KCNT2: variants seen among roughly 807,000 people sequenced by gnomAD.
KCNT2 encodes the protein potassium sodium-activated channel subfamily T member 2.
A neutral mutation model predicts 153.8 loss-of-function variants in KCNT2; 67 were observed. That is an observed-to-expected ratio of 0.44 (90% CI 0.36 to 0.53). KCNT2 has a LOEUF of 0.53. Among genes scored for constraint, KCNT2 ranks in the 20% least tolerant of loss-of-function variants. KCNT2 has a pLI of 0.00. For synonymous variants in KCNT2, 500 were observed against 458.8 expected (o/e 1.09, Z -1.15); for missense variants, 975 against 1,354.8 (o/e 0.72, Z 4.40).
intron 25 of KCNT2, among the ~76,000 whole-genome samples, chr1:196,262,014 C>CT (rs1299018396): frequency 6.6e-6 from 1 of 151,720 alleles, no homozygotes; most frequent in Non-Finnish European, 1.5e-5. Context: ...ATATTACTTC[C>CT]TAAATATTTA....
At chr1:196,236,117 T>C (rs776072435) in intron 26 of KCNT2, 47 bp from the exon 27 acceptor site, 7 of 987,522 alleles carry the variant, frequency 7.1e-6, no homozygotes. Flanking sequence ...TTATAGAAAA[T>C]TACAGGAATT....
rs1397194066 is a variant in KCNT2, at chr1:196,282,547, C to T, written c.2698-191G>A. 2.0e-5 allele frequency among the ~76,000 whole-genome samples: 3 copies of T among 152,182 alleles called. No individual in the cohort carries two copies. The East Asian group carries it at 5.8e-4, about 29-fold the overall frequency. ...TCCTAGATAAACATGTACAGTTAAG[C>T]TGTTCATAAGGAAACACAGGAAATA... On this transcript the variant is annotated intron_variant, in intron 23 of 27. Transcript: ENST00000294725.
chr1:196,335,645 C>T (rs1341728906), intron 16 of KCNT2, among the ~76,000 whole-genome samples: 1 of 152,158 alleles, frequency 6.6e-6, no homozygotes, highest in Non-Finnish European at 1.5e-5. Flanking sequence ...TCTGGCCTTC[C>T]AAGCTTCTTC....
intron 1 of KCNT2, among the ~76,000 whole-genome samples, chr1:196,596,677 C>T (rs1664125298): frequency 6.6e-6 from 1 of 152,050 alleles, no homozygotes; most frequent in Non-Finnish European, 1.5e-5. Context: ...TATTAATAAC[C>T]AAATTCAGGA....
At chr1:196,441,376 A>C (rs1332638389) in intron 8 of KCNT2, among the ~76,000 whole-genome samples, 1 of 151,042 alleles carries the variant, frequency 6.6e-6, no homozygotes, top group African/African-American at 2.4e-5. Flanking sequence ...TTTTAACAAA[A>C]TATTCTCCAT....
chr1:196,370,231 A>G (rs1329131956), intron 14 of KCNT2, among the ~76,000 whole-genome samples: 1 of 152,174 alleles, frequency 6.6e-6, no homozygotes, highest in Non-Finnish European at 1.5e-5. Context: ...TTAATCAACA[A>G]TAAGACATAC....
At position 196,478,882 on chromosome 1, in the gene KCNT2, A is replaced by G. The variant is rs1213405841; in HGVS notation, c.384+297T>C. Among the ~76,000 whole-genome samples the G allele has an allele frequency of 2.6e-5, 4 of 152,252 alleles. No individual in the cohort carries two copies. The East Asian group carries it at 5.8e-4, about 22-fold the overall frequency. On this transcript the variant is annotated intron_variant, in intron 5 of 27. Transcript: ENST00000294725. Reference sequence around the variant, plus strand: ...TGCTTTCTCAATATTTTGTGTACAAATCAGAAAAAAACAATGTTGAATACA... The same window carrying G: ...TGCTTTCTCAATATTTTGTGTACAAGTCAGAAAAAAACAATGTTGAATACA...
chr1:196,270,136 A>G (rs1414089136), intron 25 of KCNT2, among the ~76,000 whole-genome samples: 1 of 151,998 alleles, frequency 6.6e-6, no homozygotes, highest in Non-Finnish European at 1.5e-5. Context: ...AAATTTTAAA[A>G]ATAATATTAT....
chr1:196,500,204 GGGAGAGAGAGAGAGAGAGAC>G (rs1232791956), intron 1 of KCNT2, among the ~76,000 whole-genome samples: 16 of 143,030 alleles, frequency 1.1e-4, no homozygotes, highest in Admixed American at 2.1e-4. Context: ...GGGAAGGAGG[GGGAGAGAGAGAGAGAGAGAC>G]GGAGAGAGAG....
At chr1:196,368,918 T>G (rs1345730797) in intron 14 of KCNT2, among the ~76,000 whole-genome samples, 1 of 152,178 alleles carries the variant, frequency 6.6e-6, no homozygotes, top group Admixed American at 6.6e-5. Flanking sequence ...CTGCCAACTA[T>G]GTACTTCATT....
rs569540583 is a variant in KCNT2, at chr1:196,536,280, C to T, written c.96-43939G>A. On this transcript the variant is annotated intron_variant, in intron 1 of 27. Transcript: ENST00000294725. ...CCATATGGCCTGGCCCCACATGGGC[C>T]GGTGACCAAGTAGTCACTTTTGTAA... 5.9e-5 allele frequency among the ~76,000 whole-genome samples: 9 copies of T among 152,352 alleles called. No individual in the cohort carries two copies. In the South Asian group the frequency reaches 6.2e-4, roughly 11 times the overall value.
chr1:196,503,411 C>T (rs1680859268), intron 1 of KCNT2, among the ~76,000 whole-genome samples: 1 of 152,084 alleles, frequency 6.6e-6, no homozygotes, highest in South Asian at 2.1e-4. Context: ...ACCTGCAACC[C>T]CACCATAAAC....
intron 25 of KCNT2, among the ~76,000 whole-genome samples, chr1:196,272,764 TCTC>T (rs1353148347): frequency 4.6e-5 from 7 of 151,854 alleles, no homozygotes; most frequent in South Asian, 2.1e-4. Flanking sequence ...TCCATGTTGT[TCTC>T]CTTCTCTCAA....
chr1:196,230,537 G>T (rs984022726), intron 27 of KCNT2, among the ~76,000 whole-genome samples: 3 of 151,912 alleles, frequency 2.0e-5, no homozygotes, highest in Non-Finnish European at 4.4e-5. Context: ...TAATTTCAAT[G>T]TTCATGATTC....
At chr1:196,382,415 C>T (rs568025378) in intron 13 of KCNT2, among the ~76,000 whole-genome samples, 62 of 151,868 alleles carry the variant, frequency 4.1e-4, no homozygotes, top group Admixed American at 1.0e-3. Context: ...CCTGTTTAAC[C>T]AAATATTTTA....
chr1:196,294,678 A>G (rs1660517362), intron 22 of KCNT2, among the ~76,000 whole-genome samples: 1 of 152,146 alleles, frequency 6.6e-6, no homozygotes, highest in South Asian at 2.1e-4. Context: ...AAACTGAAAA[A>G]GTATGTTGAA....
chr1:196,358,176 T>C (rs187110083), intron 14 of KCNT2, among the ~76,000 whole-genome samples: 42 of 151,906 alleles, frequency 2.8e-4, no homozygotes, highest in African/African-American at 9.4e-4. Flanking sequence ...GCTTGTATAT[T>C]CCAACTCTGC....
intron 8 of KCNT2, among the ~76,000 whole-genome samples, chr1:196,460,676 A>G (rs996608072): frequency 3.3e-5 from 5 of 151,766 alleles, no homozygotes; most frequent in African/African-American, 1.2e-4. Flanking sequence ...AGACTACAAG[A>G]AAGTGTCATA....
intron 20 of KCNT2, among the ~76,000 whole-genome samples, chr1:196,318,683 T>G (rs1447896344): frequency 6.6e-6 from 1 of 151,752 alleles, no homozygotes; most frequent in Non-Finnish European, 1.5e-5. Context: ...TAAATTATAT[T>G]AACATAGAAT....
Sources: allele counts gnomAD v4.1 joint callset (sites outside exome capture counted in the v4.1 genomes callset), GRCh38; gene constraint gnomAD v4.1.1; transcripts MANE v1.5; gene names NCBI Gene and HGNC (gene_info 2026-07-23, HGNC 2026-07-21).